Variants in USH2A observed in about 807,000 individuals in gnomAD.
USH2A encodes the protein Usher syndrome 2A (autosomal recessive, mild).
Under a neutral mutation model 538.9 loss-of-function variants are expected in USH2A, and 443 were observed. The observed-to-expected ratio is 0.82, with a 90% confidence interval of 0.76 to 0.89. The LOEUF is 0.89. Among genes scored for constraint, USH2A ranks in the 40% least tolerant of loss-of-function variants. The probability of loss-of-function intolerance (pLI) is 0.00; values close to 1 mark genes in which losing one functional copy is unlikely to be tolerated. For missense variants in USH2A, 6,633 were observed against 6,324.8 expected, an observed-to-expected ratio of 1.05 and a Z score of -1.65; for synonymous variants, 2,413 against 2,273.5, an observed-to-expected ratio of 1.06 and a Z score of -1.75.
chr1:215,935,015 T>A (rs1029318414), intron 37 of USH2A, among the ~76,000 whole-genome samples: 5 of 152,032 alleles, frequency 3.3e-5, no homozygotes, highest in African/African-American at 1.2e-4. Context: ...AATTCATTCA[T>A]CACGGCAATC....
chr1:215,926,091 A>G (rs910643762), intron 38 of USH2A, among the ~76,000 whole-genome samples: 1 of 152,164 alleles, frequency 6.6e-6, no homozygotes, highest in Non-Finnish European at 1.5e-5. Flanking sequence ...TGCATGAAGA[A>G]AGTGCAAGAT....
At chr1:215,795,837 T>C (rs1391317579) in intron 50 of USH2A, among the ~76,000 whole-genome samples, 1 of 152,202 alleles carries the variant, frequency 6.6e-6, no homozygotes, top group African/African-American at 2.4e-5. Context: ...TCAGGATCCT[T>C]TTATACGCTT....
chr1:216,099,097 C>T (rs1457540310), intron 21 of USH2A, among the ~76,000 whole-genome samples: 1 of 152,180 alleles, frequency 6.6e-6, no homozygotes, highest in African/African-American at 2.4e-5. Flanking sequence ...AGGATACAAG[C>T]TTTAGACTTT....
At chr1:216,013,361 G>T (rs1392154735) in intron 32 of USH2A, among the ~76,000 whole-genome samples, 1 of 151,036 alleles carries the variant, frequency 6.6e-6, no homozygotes, top group South Asian at 2.1e-4. Flanking sequence ...GAGAAACATC[G>T]CCCATTATCT....
chr1:215,951,834 T>G (rs1216357954), intron 37 of USH2A, among the ~76,000 whole-genome samples: 1 of 152,066 alleles, frequency 6.6e-6, no homozygotes, highest in African/African-American at 2.4e-5. Context: ...CTTTTGATCT[T>G]TGTTGGTTTA....
chr1:216,401,046 C>T (rs986853848), intron 3 of USH2A, among the ~76,000 whole-genome samples: 2 of 151,974 alleles, frequency 1.3e-5, no homozygotes, highest in African/African-American at 4.8e-5. Context: ...TAGACTTTCC[C>T]TCTTATTAGT....
At chr1:216,263,362 A>G (rs996370929) in intron 11 of USH2A, among the ~76,000 whole-genome samples, 1 of 152,170 alleles carries the variant, frequency 6.6e-6, no homozygotes, top group Non-Finnish European at 1.5e-5. Flanking sequence ...AGTTGCAAAG[A>G]TCATCAATAA....
intron 11 of USH2A, among the ~76,000 whole-genome samples, chr1:216,265,884 T>C (rs188726500): frequency 5.5e-4 from 83 of 152,140 alleles, no homozygotes; most frequent in African/African-American, 1.9e-3. Flanking sequence ...TAGTGGTTAC[T>C]GGAGTCTTGG....
At position 216,321,929 on chromosome 1, in the gene USH2A, G is replaced by C. The variant is rs776741864; in HGVS notation, c.1598C>G (p.Pro533Arg). Residue 533 changes from proline to arginine, a missense_variant, in exon 9 of 72, where the codon CCA (proline) becomes CGA (arginine). By Grantham distance (103) the Pro-to-Arg change is moderately radical. Coordinates refer to ENST00000307340, the MANE Select transcript of USH2A (RefSeq NM_206933.4). ...HADNCDTTSQ[P>R]YRCLCSQESF... ...CTCCTGGGAGCAGAGGCATCTATATGGCTGGCTTGTTGTGTCGCAGTTATC... is the reference window on the plus strand; with the variant it reads ...CTCCTGGGAGCAGAGGCATCTATATCGCTGGCTTGTTGTGTCGCAGTTATC... 12 of 1,613,734 alleles carry C rather than the reference G, an allele frequency of 7.4e-6. No individual in the cohort carries two copies. The highest frequency in any genetic ancestry group is 1.0e-5 in the Non-Finnish European group (12 of 1,179,880).
At chr1:216,033,305 G>A (rs1257688260) in intron 32 of USH2A, among the ~76,000 whole-genome samples, 1 of 152,156 alleles carries the variant, frequency 6.6e-6, no homozygotes, top group Non-Finnish European at 1.5e-5. Context: ...GTATATGTGT[G>A]TATGCTTATA....
At chr1:215,998,630 T>A (rs1668190827) in intron 34 of USH2A, among the ~76,000 whole-genome samples, 1 of 152,132 alleles carries the variant, frequency 6.6e-6, no homozygotes, top group South Asian at 2.1e-4. Flanking sequence ...AAAATCTTGA[T>A]AATCCCAACT....
chr1:216,234,213 A>ATTGGGTT (rs1429960359), intron 13 of USH2A, among the ~76,000 whole-genome samples: 8 of 152,164 alleles, frequency 5.3e-5, no homozygotes, highest in South Asian at 2.1e-4. Context: ...GTTACCAACA[A>ATTGGGTT]TTGGGTTTTT....
intron 4 of USH2A, among the ~76,000 whole-genome samples, chr1:216,353,161 C>G (rs569859190): frequency 6.6e-6 from 1 of 152,080 alleles, no homozygotes; most frequent in African/African-American, 2.4e-5. Flanking sequence ...AAGGAGGGAA[C>G]AGACCACATC....
intron 3 of USH2A, among the ~76,000 whole-genome samples, chr1:216,398,036 C>T (rs559468111): frequency 5.2e-4 from 79 of 152,308 alleles, no homozygotes; most frequent in African/African-American, 1.8e-3. Flanking sequence ...TCTCTCTTTT[C>T]ACCATGTCAG....
chr1:215,717,495 A>G (rs1033791952), intron 61 of USH2A, among the ~76,000 whole-genome samples: 18 of 152,324 alleles, frequency 1.2e-4, no homozygotes, highest in Non-Finnish European at 2.5e-4. Context: ...TATAAGTACA[A>G]TCAATACCAT....
chr1:215,754,244 A>G (rs1660717204), intron 58 of USH2A, among the ~76,000 whole-genome samples: 1 of 152,204 alleles, frequency 6.6e-6, no homozygotes, highest in Non-Finnish European at 1.5e-5. Context: ...ACCAAGTAAT[A>G]TGAACGTATG....
chr1:215,887,059 G>A (rs1665076010), intron 41 of USH2A, among the ~76,000 whole-genome samples: 1 of 152,006 alleles, frequency 6.6e-6, no homozygotes, highest in Admixed American at 6.5e-5. Context: ...GGGTTTCACT[G>A]TGTTGGCCAG....
intron 21 of USH2A, among the ~76,000 whole-genome samples, chr1:216,104,270 T>C (rs948031839): frequency 6.7e-6 from 1 of 148,776 alleles, no homozygotes; most frequent in Non-Finnish European, 1.5e-5. Flanking sequence ...CCTGTGTCCA[T>C]GTGTTCTCAT....
chr1:216,051,030 T>C (rs1466218486), intron 30 of USH2A, among the ~76,000 whole-genome samples: 1 of 152,190 alleles, frequency 6.6e-6, no homozygotes, highest in East Asian at 1.9e-4. Flanking sequence ...GTTGTTCTCC[T>C]AAACTACCGA....
Sources: gnomAD v4.1 joint callset for allele counts (sites outside exome capture counted in the v4.1 genomes callset) on GRCh38, gnomAD v4.1.1 for gene constraint, MANE v1.5 for transcripts, NCBI Gene and HGNC (gene_info 2026-07-23, HGNC 2026-07-21) for gene names.